Variants in C2orf42 observed in about 807,000 individuals in gnomAD.
The protein encoded by C2orf42 is chromosome 2 open reading frame 42, also known as uncharacterized protein C2orf42.
Under a neutral mutation model 58.9 loss-of-function variants are expected in C2orf42, and 44 were observed. The ratio of observed to expected loss-of-function variants is 0.75; its 90% CI spans 0.59 to 0.96. C2orf42 has a LOEUF of 0.96. C2orf42 is among the 40% of genes least tolerant of loss of function. The pLI, the probability that C2orf42 is intolerant of heterozygous loss-of-function variation, is 0.00. For missense variants in C2orf42, 630 were observed against 699.2 expected, an observed-to-expected ratio of 0.90 and a Z score of 1.12; for synonymous variants, 239 against 265.4, an observed-to-expected ratio of 0.90 and a Z score of 0.97.
chr2:70,171,218 G>A (rs553966756), intron 5 of C2orf42, among the ~76,000 whole-genome samples: 2 of 152,314 alleles, frequency 1.3e-5, no homozygotes, highest in South Asian at 4.1e-4. Flanking sequence ...AGAGGCTGCA[G>A]TGAGCCGAGA....
chr2:70,154,936 GA>G (rs752281089), intron 9 of C2orf42, among the ~76,000 whole-genome samples: 2 of 148,754 alleles, frequency 1.3e-5, no homozygotes, highest in African/African-American at 2.5e-5. Flanking sequence ...TTTTTTTTTT[GA>G]AAGTAAGTTT....
intron 6 of C2orf42, among the ~76,000 whole-genome samples, chr2:70,169,247 CCACA>C (rs35414580): frequency 0.051 from 7,193 of 140,956 alleles, 230 homozygotes; most frequent in Non-Finnish European, 0.068. Flanking sequence ...ATCTCCCTCA[CCACA>C]CACACACACA....
chr2:70,160,288 C>T (rs905798197), intron 9 of C2orf42, among the ~76,000 whole-genome samples: 15 of 151,916 alleles, frequency 9.9e-5, no homozygotes, highest in African/African-American at 3.4e-4. Context: ...TACAGGCATG[C>T]GCCACTATGC....
intron 6 of C2orf42, among the ~76,000 whole-genome samples, chr2:70,169,259 A>G (rs1673629739): frequency 6.6e-6 from 1 of 151,738 alleles, no homozygotes; most frequent in South Asian, 2.1e-4. Context: ...ACACACACAC[A>G]CACACACACA....
At chr2:70,174,677 CTTTTTT>C (rs547885328) in intron 5 of C2orf42, among the ~76,000 whole-genome samples, 2 of 144,798 alleles carry the variant, frequency 1.4e-5, no homozygotes, top group African/African-American at 5.1e-5. Flanking sequence ...CCCCCTCTTT[CTTTTTT>C]TTTTGAGACT....
chr2:70,159,044 C>T (rs555243867), intron 9 of C2orf42, among the ~76,000 whole-genome samples: 8 of 149,698 alleles, frequency 5.3e-5, no homozygotes, highest in South Asian at 4.2e-4. Flanking sequence ...CCCGCCACCG[C>T]GCCCAGCTAA....
At chr2:70,184,847 T>C (rs542163585) in intron 1 of C2orf42, among the ~76,000 whole-genome samples, 71 of 151,428 alleles carry the variant, frequency 4.7e-4, no homozygotes, top group Admixed American at 9.2e-4. Context: ...TCCCAGCACT[T>C]TGGGAGGCCG....
chr2:70,160,860 C>A, intron 8 of C2orf42, 73 bp from the exon 9 acceptor site: 1 of 897,322 alleles, frequency 1.1e-6, no homozygotes, highest in Non-Finnish European at 1.7e-6. Flanking sequence ...TGGATGACGA[C>A]AAATCTTTTA....
intron 1 of C2orf42, among the ~76,000 whole-genome samples, chr2:70,188,280 C>A (rs1490894570): frequency 6.6e-6 from 1 of 151,950 alleles, no homozygotes; most frequent in Non-Finnish European, 1.5e-5. Context: ...CTCTGCCTCC[C>A]GGGTTCAAGC....
In C2orf42 at chr2:70,181,613, T is replaced by G. The variant is rs1674577111; in HGVS notation, c.373A>C (p.Thr125Pro). ...CYVPSCLKAA[T>P]QGVVENQCQH... is the part of the protein sequence containing the mutation. Reference sequence around the variant, plus strand: ...CACTGGTTTTCCACAACGCCTTGAGTGGCAGCTTTCAGGCATGAGGGGACA... The same window carrying G: ...CACTGGTTTTCCACAACGCCTTGAGGGGCAGCTTTCAGGCATGAGGGGACA... The change falls in exon 3 of 10, where the codon ACT becomes CCT. Residue 125 changes from threonine (T) to proline (P), a missense_variant. Transcript: ENST00000264434. 2 of 1,613,906 alleles carry G rather than the reference T, an allele frequency of 1.2e-6. No individual in the cohort carries two copies. Among genetic ancestry groups the G allele is most frequent in the Non-Finnish European group, 1.7e-6 (2 of 1,179,994 alleles).
intron 1 of C2orf42, among the ~76,000 whole-genome samples, chr2:70,188,932 G>A (rs956048501): frequency 3.3e-5 from 5 of 151,978 alleles, no homozygotes; most frequent in African/African-American, 1.2e-4. Flanking sequence ...TTATTTTACA[G>A]ACTGACTCCC....
intron 7 of C2orf42, 133 bp from the exon 8 acceptor site, chr2:70,165,325 G>A (rs1263908590): frequency 3.1e-6 from 2 of 642,518 alleles, no homozygotes; most frequent in Non-Finnish European, 5.4e-6. Flanking sequence ...AGAAATTCTA[G>A]AGGCAAATAT....
At chr2:70,156,685 C>A (rs762648965) in intron 9 of C2orf42, among the ~76,000 whole-genome samples, 4 of 152,004 alleles carry the variant, frequency 2.6e-5, no homozygotes, top group Middle Eastern at 6.8e-3. Flanking sequence ...CAGAGTAAGA[C>A]CTCGTCCCTA....
At chr2:70,175,923 T>G in intron 4 of C2orf42, 146 bp from the exon 5 acceptor site, 4 of 598,898 alleles carry the variant, frequency 6.7e-6, no homozygotes, top group Non-Finnish European at 1.2e-5. Flanking sequence ...CATTAGTCTT[T>G]ACACATAAAA....
chr2:70,185,798 TA>T (rs1674895806), intron 1 of C2orf42, among the ~76,000 whole-genome samples: 1 of 149,394 alleles, frequency 6.7e-6, no homozygotes, highest in African/African-American at 2.5e-5. Flanking sequence ...CACACACACA[TA>T]TATATATATA....
intron 8 of C2orf42, among the ~76,000 whole-genome samples, chr2:70,162,170 C>T (rs1368434474): frequency 6.6e-6 from 1 of 151,670 alleles, no homozygotes; most frequent in East Asian, 2.0e-4. Context: ...AGCCACCACG[C>T]CCGGCTAATT....
intron 6 of C2orf42, among the ~76,000 whole-genome samples, chr2:70,169,041 T>A (rs1016328494): frequency 2.0e-5 from 3 of 151,998 alleles, no homozygotes; most frequent in Non-Finnish European, 4.4e-5. Flanking sequence ...TATATAACTA[T>A]CTTAGTCTCA....
intron 9 of C2orf42, among the ~76,000 whole-genome samples, chr2:70,154,565 C>T (rs1337973577): frequency 6.6e-6 from 1 of 151,044 alleles, no homozygotes; most frequent in Non-Finnish European, 1.5e-5. Flanking sequence ...ACAAATACAA[C>T]AGGAATTTAG....
chr2:70,172,197 C>A (rs1285417351), intron 5 of C2orf42, among the ~76,000 whole-genome samples: 1 of 143,448 alleles, frequency 7.0e-6, no homozygotes, highest in South Asian at 2.2e-4. Flanking sequence ...GTACTCCAGC[C>A]TAGGCGACAG....
Sources: gnomAD v4.1 joint callset for allele counts (sites outside exome capture counted in the v4.1 genomes callset) on GRCh38, gnomAD v4.1.1 for gene constraint, MANE v1.5 for transcripts, NCBI Gene and HGNC (gene_info 2026-07-23, HGNC 2026-07-21) for gene names.